RCBTB1: variants seen among roughly 807,000 people sequenced by gnomAD.
The protein encoded by RCBTB1 is RCC1 and BTB domain-containing protein 1.
Under a neutral mutation model 62.4 loss-of-function variants are expected in RCBTB1, and 46 were observed. The ratio of observed to expected loss-of-function variants is 0.74; its 90% confidence interval spans 0.58 to 0.94. RCBTB1 has a LOEUF of 0.94. Ranked by LOEUF, RCBTB1 falls within the 40% of genes least tolerant of loss-of-function variation. RCBTB1 has a pLI of 0.00. For synonymous variants in RCBTB1, 222 were observed against 245.8 expected, an observed-to-expected ratio of 0.90 and a Z score of 0.91; for missense variants, 565 against 654.9, an observed-to-expected ratio of 0.86 and a Z score of 1.50.
At chr13:49,560,182 A>G (rs1204537147) in intron 4 of RCBTB1, 98 bp from the exon 5 acceptor site, 2 of 1,332,168 alleles carry the variant, frequency 1.5e-6, no homozygotes, top group African/African-American at 2.9e-5. Context: ...TCCAACCTTC[A>G]TTTCTCTCCC....
At chr13:49,548,388 C>CA (rs1289018692) in intron 9 of RCBTB1, among the ~76,000 whole-genome samples, 4,704 of 79,806 alleles carry the variant, frequency 0.059, 117 homozygotes, top group South Asian at 0.14. Flanking sequence ...GACTCCGTCT[C>CA]AAAAAAAAAA....
At chr13:49,556,723 C>G (rs1961926110) in intron 5 of RCBTB1, among the ~76,000 whole-genome samples, 1 of 152,206 alleles carries the variant, frequency 6.6e-6, no homozygotes, top group Non-Finnish European at 1.5e-5. Context: ...ATATGTGTTA[C>G]AGGTTCATTT....
chr13:49,572,445 T>C (rs777269027), intron 2 of RCBTB1, among the ~76,000 whole-genome samples: 8 of 152,176 alleles, frequency 5.3e-5, no homozygotes, highest in Non-Finnish European at 1.0e-4. Context: ...ATTAACAGAC[T>C]TATTCTAACT....
chr13:49,551,681 A>C (rs996032232), intron 7 of RCBTB1, among the ~76,000 whole-genome samples: 11 of 152,200 alleles, frequency 7.2e-5, no homozygotes, highest in Non-Finnish European at 7.3e-5. Context: ...CAGGCAGATC[A>C]CAAGGTCAGG....
Position 49,583,386 on chromosome 13 carries a change from A to ATG in RCBTB1, c.-122+2056_-122+2057dup, listed in dbSNP as rs6145049. On this transcript the variant is annotated intron_variant, in intron 1 of 12. Transcript: ENST00000378302. ...CCAGGAAAGAAGTGTGCTTTTGTGT[A>ATG]TGTGTGTGTGTGTGTGTGTGTGTGT... Among the ~76,000 whole-genome samples the ATG allele has an allele frequency of 6.8e-3, 1,026 of 149,926 alleles. 6 individuals are homozygous for ATG. The highest frequency in any genetic ancestry group is 0.034 in the East Asian group (173 of 5,088).
At chr13:49,541,399 C>T (rs764784403) in intron 11 of RCBTB1, among the ~76,000 whole-genome samples, 11 of 151,562 alleles carry the variant, frequency 7.3e-5, no homozygotes, top group Non-Finnish European at 1.3e-4. Context: ...AACAAGCCTA[C>T]ACATCCTGCA....
chr13:49,572,661 G>A (rs1477777726), intron 2 of RCBTB1, among the ~76,000 whole-genome samples: 4 of 151,846 alleles, frequency 2.6e-5, no homozygotes, highest in Admixed American at 6.6e-5. Context: ...AAATTACCCC[G>A]GGTGTGGTGG....
intron 2 of RCBTB1, among the ~76,000 whole-genome samples, chr13:49,569,429 A>T (rs201363899): frequency 0.22 from 33,872 of 151,848 alleles, 4,663 homozygotes; most frequent in East Asian, 0.55. Context: ...CAAAAAAAAA[A>T]GGCCAGGCAC....
chr13:49,581,076 C>CA (rs1964068154), intron 1 of RCBTB1, among the ~76,000 whole-genome samples: 1 of 152,062 alleles, frequency 6.6e-6, no homozygotes, highest in South Asian at 2.1e-4. Flanking sequence ...TGGCTGCAGC[C>CA]AAACAACTCA....
intron 8 of RCBTB1, chr13:49,550,000 T>C (rs1240530495): frequency 2.5e-6 from 2 of 803,304 alleles, no homozygotes; most frequent in Non-Finnish European, 3.0e-6. Flanking sequence ...CTTTTTTTTT[T>C]CTTTTTTGAG....
Position 49,545,982 on chromosome 13 carries a change from C to G in RCBTB1, c.1046-1119G>C. ...CTTAACTGACAGCCCTCCCTCCACC[C>G]CATGCAATGCAGAGCTCTCCTGGCT... On this transcript the variant is annotated intron_variant, in intron 9 of 12. Coordinates refer to ENST00000378302, the MANE Select transcript of RCBTB1 (RefSeq NM_018191.4). 3.8e-6 allele frequency: 2 copies of G among 530,250 alleles called. 1 individual carries two copies. The highest frequency in any genetic ancestry group is 4.8e-6 in the Non-Finnish European group (2 of 413,982). The allele number at this position is 530,250 out of a possible 1,614,324, so 32.8% of individuals were successfully genotyped here.
Position 49,582,186 on chromosome 13 carries a change from A to G in RCBTB1, c.-121-1602T>C, listed in dbSNP as rs1236445063. Among the ~76,000 whole-genome samples, 9 of 152,342 alleles carry G rather than the reference A, an allele frequency of 5.9e-5. No individual in the cohort carries two copies. The East Asian group carries it at 1.5e-3, about 26-fold the overall frequency. On this transcript the variant is annotated intron_variant, in intron 1 of 12. Coordinates refer to ENST00000378302, the MANE Select transcript of RCBTB1 (RefSeq NM_018191.4). ...GAAAGTAGCAGGGAATGGGATCTGA[A>G]GCAGAAGTGCAACAGAAGCGCCGGG...
intron 4 of RCBTB1, among the ~76,000 whole-genome samples, chr13:49,564,850 C>T (rs1332664214): frequency 2.0e-5 from 3 of 151,694 alleles, no homozygotes; most frequent in East Asian, 3.9e-4. Flanking sequence ...GAGATTGCAC[C>T]ACTGCACTCC....
intron 10 of RCBTB1, 127 bp from the exon 11 acceptor site, chr13:49,541,954 G>C: frequency 9.5e-7 from 1 of 1,054,916 alleles, no homozygotes; most frequent in Non-Finnish European, 1.3e-6. Flanking sequence ...GGTGGCTCAT[G>C]CCTGTAATCC....
At chr13:49,569,069 G>A (rs1015337076) in intron 2 of RCBTB1, among the ~76,000 whole-genome samples, 12 of 152,130 alleles carry the variant, frequency 7.9e-5, no homozygotes, top group Non-Finnish European at 1.8e-4. Context: ...TGGAGAAAAA[G>A]AGATTTTAAG....
At position 49,552,193 on chromosome 13, in the gene RCBTB1, G is replaced by A. The variant is rs766245043; in HGVS notation, c.696C>T (p.Ser232=). The A allele has an allele frequency of 1.1e-5, 17 of 1,581,236 alleles. No homozygotes were observed. Among genetic ancestry groups the A allele is most frequent in the Middle Eastern group, 1.7e-4 (1 of 5,976 alleles). ...CCACACGTACCTGGTTCACACACAC[G>A]CTGTGCAAAGCTGCCACTCTCACAG... ...LTPVRVAALH[S]VCVNQIVCGY... The change falls in exon 7 of 13, where the codon AGC becomes AGT. Residue 232 remains serine, a synonymous_variant. Transcript: ENST00000378302.
At chr13:49,575,099 C>T (rs939435719) in intron 2 of RCBTB1, among the ~76,000 whole-genome samples, 1 of 151,992 alleles carries the variant, frequency 6.6e-6, no homozygotes, top group Non-Finnish European at 1.5e-5. Context: ...TTAATGGGTA[C>T]AGAGTTTCAC....
intron 4 of RCBTB1, among the ~76,000 whole-genome samples, chr13:49,566,104 C>A (rs1962980183): frequency 1.3e-5 from 2 of 150,418 alleles, no homozygotes; most frequent in Non-Finnish European, 1.5e-5. Context: ...ATCTCAAGTA[C>A]CCAGGGACAC....
At chr13:49,563,236 C>A (rs971357354) in intron 4 of RCBTB1, among the ~76,000 whole-genome samples, 3 of 145,610 alleles carry the variant, frequency 2.1e-5, no homozygotes, top group African/African-American at 7.7e-5. Context: ...CTCATCTCTA[C>A]AAAAAAATTT....
Sources: allele counts gnomAD v4.1 joint callset (sites outside exome capture counted in the v4.1 genomes callset), GRCh38; gene constraint gnomAD v4.1.1; transcripts MANE v1.5; gene names NCBI Gene and HGNC (gene_info 2026-07-23, HGNC 2026-07-21).